ANKS1B: variants seen among roughly 807,000 people sequenced by gnomAD.
ANKS1B encodes the protein ankyrin repeat and sterile alpha motif domain containing 1B, also known as ankyrin repeat and sterile alpha motif domain-containing protein 1B.
Under a neutral mutation model 148.3 loss-of-function variants are expected in ANKS1B, and 36 were observed. That is an observed-to-expected ratio of 0.24 (90% CI 0.19 to 0.32). The LOEUF (loss-of-function observed/expected upper bound fraction) is 0.32. Ranked by LOEUF, ANKS1B falls within the 10% of genes least tolerant of loss-of-function variation. ANKS1B has a pLI of 1.00. For missense variants in ANKS1B, 1,157 were observed against 1,542.6 expected, an observed-to-expected ratio of 0.75 and a Z score of 4.19; for synonymous variants, 542 against 560.8, an observed-to-expected ratio of 0.97 and a Z score of 0.47.
At chr12:99,923,968 T>C (rs1202667664) in intron 1 of ANKS1B, among the ~76,000 whole-genome samples, 1 of 152,164 alleles carries the variant, frequency 6.6e-6, no homozygotes, top group Non-Finnish European at 1.5e-5. Flanking sequence ...CACAGACTTT[T>C]TGCATACATT....
At chr12:99,009,061 A>C (rs1039837674) in intron 17 of ANKS1B, among the ~76,000 whole-genome samples, 1 of 152,210 alleles carries the variant, frequency 6.6e-6, no homozygotes, top group Admixed American at 6.5e-5. Context: ...ATGCATTGAG[A>C]ATAGGTGAAG....
At chr12:98,779,728 A>T (rs1041712290) in intron 24 of ANKS1B, among the ~76,000 whole-genome samples, 12 of 152,346 alleles carry the variant, frequency 7.9e-5, no homozygotes, top group African/African-American at 2.9e-4. Flanking sequence ...TAATTTAAGG[A>T]TAAAGTAATT....
At chr12:99,581,767 T>G (rs1320831593) in intron 9 of ANKS1B, among the ~76,000 whole-genome samples, 2 of 151,600 alleles carry the variant, frequency 1.3e-5, no homozygotes, top group Non-Finnish European at 2.9e-5. Flanking sequence ...GGCGGGCGCC[T>G]GTAGTCCCAG....
In ANKS1B at chr12:99,984,190, C is replaced by T. The variant is rs1349487828; in HGVS notation, c.48G>A (p.Val16=). ...CAGACAGGAGTTTCTCCACCAGAGC[C>T]ACATTTCCAGTGCGAGCAGCTTCCA... ...ELLEAARTGN[V]ALVEKLLSGR... The change falls in exon 1 of 27, where the codon GTG becomes GTA. Residue 16 remains valine (V), a synonymous_variant. Coordinates refer to ENST00000683438, the MANE Select transcript of ANKS1B (RefSeq NM_001352186.2). 1.2e-6 allele frequency: 2 copies of T among 1,613,954 alleles called. No homozygotes were observed. The highest frequency in any genetic ancestry group is 1.7e-6 in the Non-Finnish European group (2 of 1,179,864).
At chr12:99,494,732 C>CAAAAAAAAAAA in intron 10 of ANKS1B, among the ~76,000 whole-genome samples, 1 of 55,998 alleles carries the variant, frequency 1.8e-5, no homozygotes, top group Non-Finnish European at 3.2e-5. Flanking sequence ...CACTCTGTCT[C>CAAAAAAAAAAA]AAAAAAAAAA....
chr12:99,163,569 C>T (rs775668846), intron 14 of ANKS1B, among the ~76,000 whole-genome samples: 9 of 151,990 alleles, frequency 5.9e-5, no homozygotes, highest in African/African-American at 1.2e-4. Flanking sequence ...GAGACACCGA[C>T]AGCACCATCA....
Position 99,046,910 on chromosome 12 carries a change from CAG to C in ANKS1B, c.2778+6245_2778+6246del, listed in dbSNP as rs145033866. Among the ~76,000 whole-genome samples the C allele has an allele frequency of 2.2e-3, 335 of 150,676 alleles. 1 individual carries two copies. Among genetic ancestry groups the C allele is most frequent in the African/African-American group, 7.7e-3 (316 of 41,004 alleles). ...AAAATACACTGCATAGTAACAGTGA[CAG>C]ATTAGCTATTCTAAGAAGAAAAGAT... On this transcript the variant is annotated intron_variant, in intron 17 of 26. Transcript: ENST00000683438.
chr12:98,952,158 C>T (rs1444698865), intron 17 of ANKS1B, among the ~76,000 whole-genome samples: 1 of 152,102 alleles, frequency 6.6e-6, no homozygotes, highest in Non-Finnish European at 1.5e-5. Flanking sequence ...AAAATGTGGG[C>T]TTTAAAATTA....
chr12:99,188,098 C>T (rs542713702), intron 14 of ANKS1B, among the ~76,000 whole-genome samples: 5 of 151,806 alleles, frequency 3.3e-5, no homozygotes, highest in Admixed American at 6.6e-5. Context: ...GAGACAAAGA[C>T]GGGCATTACA....
intron 8 of ANKS1B, among the ~76,000 whole-genome samples, chr12:99,697,223 G>C (rs2054068909): frequency 6.6e-6 from 1 of 152,012 alleles, no homozygotes; most frequent in African/African-American, 2.4e-5. Context: ...CATCACACTG[G>C]ATTTATTTCA....
chr12:98,767,217 C>A (rs573917245), intron 25 of ANKS1B, among the ~76,000 whole-genome samples: 1 of 152,172 alleles, frequency 6.6e-6, no homozygotes, highest in Non-Finnish European at 1.5e-5. Flanking sequence ...ATCACGACCA[C>A]GTGGTTGATG....
At chr12:99,432,766 T>C (rs1286441954) in intron 11 of ANKS1B, among the ~76,000 whole-genome samples, 1 of 152,164 alleles carries the variant, frequency 6.6e-6, no homozygotes, top group Non-Finnish European at 1.5e-5. Flanking sequence ...GGAGAAGGGC[T>C]TTCCAGACAA....
At chr12:98,804,631 A>G (rs1200352980) in intron 20 of ANKS1B, among the ~76,000 whole-genome samples, 12 of 152,240 alleles carry the variant, frequency 7.9e-5, no homozygotes, top group Admixed American at 7.9e-4. Flanking sequence ...AAGAGTTCAG[A>G]GAACAAGGGT....
chr12:98,975,181 C>T (rs551812333), intron 17 of ANKS1B, among the ~76,000 whole-genome samples: 11 of 140,218 alleles, frequency 7.8e-5, no homozygotes, highest in Admixed American at 2.1e-4. Flanking sequence ...CACCTTCCTC[C>T]CTTTCCTCTT....
intron 9 of ANKS1B, among the ~76,000 whole-genome samples, chr12:99,520,947 C>T (rs771400882): frequency 1.3e-5 from 2 of 152,126 alleles, no homozygotes; most frequent in African/African-American, 2.4e-5. Context: ...AGGTGCCCAC[C>T]ACCATGCCCA....
At chr12:99,627,203 C>T (rs566444357) in intron 9 of ANKS1B, among the ~76,000 whole-genome samples, 1 of 152,184 alleles carries the variant, frequency 6.6e-6, no homozygotes, top group African/African-American at 2.4e-5. Flanking sequence ...ATGCAGAAAA[C>T]AACATAACAT....
At chr12:99,315,235 T>C (rs1287881705) in intron 12 of ANKS1B, among the ~76,000 whole-genome samples, 1 of 141,828 alleles carries the variant, frequency 7.1e-6, no homozygotes. Context: ...TGAGACTTCA[T>C]CTCAAAAAAA....
intron 26 of ANKS1B, among the ~76,000 whole-genome samples, chr12:98,747,013 A>AT (rs142958440): frequency 0.04 from 6,087 of 152,284 alleles, 199 homozygotes; most frequent in African/African-American, 0.09. Flanking sequence ...CTGGATAAAG[A>AT]TTTTTTGGGT....
chr12:99,873,227 C>G (rs2091722889), intron 1 of ANKS1B, among the ~76,000 whole-genome samples: 1 of 152,034 alleles, frequency 6.6e-6, no homozygotes, highest in South Asian at 2.1e-4. Context: ...TTGCTGATTA[C>G]AAATTTGTGA....
Sources: gnomAD v4.1 joint callset for allele counts (sites outside exome capture counted in the v4.1 genomes callset) on GRCh38, gnomAD v4.1.1 for gene constraint, MANE v1.5 for transcripts, NCBI Gene and HGNC (gene_info 2026-07-23, HGNC 2026-07-21) for gene names.